The following BBS12 variants were observed in gnomAD, a reference collection of about 807,000 sequenced individuals.
BBS12 encodes the protein Bardet-Biedl syndrome 12.
A neutral mutation model predicts 5.6 loss-of-function variants in BBS12; 5 were observed. The ratio of observed to expected loss-of-function variants is 0.89; its 90% CI spans 0.46 to 1.86. The LOEUF is 1.86. Among genes scored for constraint, BBS12 ranks in the 40% most tolerant of loss-of-function variants. The pLI, the probability that BBS12 is intolerant of heterozygous loss-of-function variation, is 0.01. For missense variants in BBS12, 748 were observed against 830.4 expected, an observed-to-expected ratio of 0.90 and a Z score of 1.22; for synonymous variants, 308 against 306.8, an observed-to-expected ratio of 1.00 and a Z score of -0.04.
chr4:122,742,599 ATTTTAATAG>A lies in BBS12; in HGVS notation c.708_716del (p.His236_Arg239delinsGln). On this transcript the variant is annotated inframe_deletion, in exon 2 of 2. Coordinates refer to ENST00000314218, the MANE Select transcript of BBS12 (RefSeq NM_152618.3). ...CAGTCAATACTAATCCACAGTAGGCATTTTAATAGGACAGATAATACTGAAGGGGTAAGC... is the reference window on the plus strand; with the variant it reads ...CAGTCAATACTAATCCACAGTAGGCAGACAGATAATACTGAAGGGGTAAGC... 6.2e-7 allele frequency: 1 copy of A among 1,614,236 alleles called. No homozygotes were observed. The highest frequency in any genetic ancestry group is 1.1e-5 in the South Asian group (1 of 91,086).
the BBS12 span, among the ~76,000 whole-genome samples, chr4:122,703,890 C>T: frequency 6.6e-6 from 1 of 152,066 alleles, no homozygotes; most frequent in Non-Finnish European, 1.5e-5. Context: ...TACTCTGTTG[C>T]CCAGGTTGGA....
chr4:122,715,321 A>G, the BBS12 span, among the ~76,000 whole-genome samples: 8 of 135,948 alleles, frequency 5.9e-5, no homozygotes, highest in Non-Finnish European at 1.1e-4. Context: ...TCTCTATTTG[A>G]AAAAAAAAAA....
At chr4:122,700,989 G>A in the BBS12 span, among the ~76,000 whole-genome samples, 1 of 152,172 alleles carries the variant, frequency 6.6e-6, no homozygotes, top group Non-Finnish European at 1.5e-5. Flanking sequence ...GAGTAGTGAT[G>A]CTGTGTGGCT....
At chr4:122,709,037 G>A in the BBS12 span, among the ~76,000 whole-genome samples, 2 of 152,080 alleles carry the variant, frequency 1.3e-5, no homozygotes, top group East Asian at 1.9e-4. Flanking sequence ...AGATGCAAAC[G>A]ATTTGTTTTA....
intron 1 of BBS12, among the ~76,000 whole-genome samples, chr4:122,735,236 A>G (rs1302413056): frequency 3.9e-5 from 6 of 152,216 alleles, no homozygotes; most frequent in East Asian, 1.9e-4. Flanking sequence ...TATAGCATCT[A>G]TGGAGATGAA....
At chr4:122,735,898 C>G (rs1383493000) in intron 1 of BBS12, among the ~76,000 whole-genome samples, 2 of 152,060 alleles carry the variant, frequency 1.3e-5, no homozygotes, top group African/African-American at 4.8e-5. Context: ...ATCCAGAGTA[C>G]AGAGGGAAAA....
chr4:122,724,509 C>T, the BBS12 span, among the ~76,000 whole-genome samples: 5 of 152,190 alleles, frequency 3.3e-5, no homozygotes, highest in African/African-American at 1.2e-4. Context: ...ATATAAGATA[C>T]AGTCTCAGAC....
chr4:122,712,249 A>G, the BBS12 span, among the ~76,000 whole-genome samples: 1 of 152,176 alleles, frequency 6.6e-6, no homozygotes, highest in Non-Finnish European at 1.5e-5. Flanking sequence ...TCCTTCCTCT[A>G]TCTATACACA....
the BBS12 span, among the ~76,000 whole-genome samples, chr4:122,707,683 G>T: frequency 6.6e-6 from 1 of 152,216 alleles, no homozygotes; most frequent in African/African-American, 2.4e-5. Flanking sequence ...AGCCAGGCCA[G>T]TTGCACAGGT....
upstream of BBS12, chr4:122,729,766 T>G (rs1438944316): frequency 6.6e-6 from 1 of 152,030 alleles, no homozygotes; most frequent in Non-Finnish European, 1.5e-5. Flanking sequence ...GCTAACACAG[T>G]GAAACTCCGT....
At chr4:122,721,165 C>T in the BBS12 span, among the ~76,000 whole-genome samples, 1 of 152,202 alleles carries the variant, frequency 6.6e-6, no homozygotes, top group African/African-American at 2.4e-5. Flanking sequence ...GAGAATTTAT[C>T]ACCAGCAGAT....
the BBS12 span, among the ~76,000 whole-genome samples, chr4:122,701,560 G>A: frequency 6.6e-6 from 1 of 152,328 alleles, no homozygotes; most frequent in East Asian, 1.9e-4. Flanking sequence ...GAGGTGGTGA[G>A]AGAAGATAGT....
the BBS12 span, among the ~76,000 whole-genome samples, chr4:122,713,523 G>A: frequency 2.6e-4 from 39 of 152,108 alleles, no homozygotes; most frequent in African/African-American, 7.5e-4. Flanking sequence ...GTTTTTCTTC[G>A]AAATTACATA....
the BBS12 span, among the ~76,000 whole-genome samples, chr4:122,703,613 A>T: frequency 6.6e-6 from 1 of 152,166 alleles, no homozygotes; most frequent in Non-Finnish European, 1.5e-5. Flanking sequence ...GAAGGTGCAC[A>T]TGCTTCCCAT....
chr4:122,732,994 T>TC (rs1800723210), intron 1 of BBS12, 110 bp downstream of exon 1: 1 of 152,362 alleles, frequency 6.6e-6, no homozygotes, highest in Non-Finnish European at 1.5e-5. Context: ...AGAATGAGAA[T>TC]CTAGGGCCTG....
At chr4:122,721,978 T>A in the BBS12 span, among the ~76,000 whole-genome samples, 31 of 152,274 alleles carry the variant, frequency 2.0e-4, no homozygotes, top group African/African-American at 7.2e-4. Flanking sequence ...TTAGATCAAA[T>A]TCTCTGACAA....
chr4:122,703,870 G>A, the BBS12 span, among the ~76,000 whole-genome samples: 1 of 151,994 alleles, frequency 6.6e-6, no homozygotes. Flanking sequence ...TATTTATTGA[G>A]ACAGAGTCAT....
the BBS12 span, among the ~76,000 whole-genome samples, chr4:122,722,089 C>T: frequency 2.0e-5 from 3 of 152,116 alleles, no homozygotes; most frequent in South Asian, 2.1e-4. Flanking sequence ...CCACAATCCT[C>T]TAGAATTGAT....
chr4:122,720,605 G>A, the BBS12 span, among the ~76,000 whole-genome samples: 1 of 152,234 alleles, frequency 6.6e-6, no homozygotes, highest in South Asian at 2.1e-4. Flanking sequence ...AAGGCAAAAC[G>A]ATGGAAAATA....
Sources: allele counts gnomAD v4.1 joint callset (sites outside exome capture counted in the v4.1 genomes callset), GRCh38; gene constraint gnomAD v4.1.1; transcripts MANE v1.5; gene names NCBI Gene and HGNC (gene_info 2026-07-23, HGNC 2026-07-21).